KDM4C: variants seen among roughly 807,000 people sequenced by gnomAD.
KDM4C encodes lysine demethylase 4C.
KDM4C carries 81 observed loss-of-function variants against 129.3 expected under a neutral mutation model. The ratio of observed to expected loss-of-function variants is 0.63; its 90% CI spans 0.52 to 0.75. The LOEUF is 0.75. Ranked by LOEUF, KDM4C falls within the 30% of genes least tolerant of loss-of-function variation. The pLI is 0.00. For missense variants in KDM4C, 1,457 were observed against 1,304.0 expected (o/e 1.12, Z -1.81); for synonymous variants, 573 against 456.1 (o/e 1.26, Z -3.26).
chr9:6,858,441 T>C (rs180945878), intron 5 of KDM4C, among the ~76,000 whole-genome samples: 2 of 152,194 alleles, frequency 1.3e-5, no homozygotes, highest in African/African-American at 4.8e-5. Context: ...AACCAGAATG[T>C]TTACCCAACT....
intron 15 of KDM4C, among the ~76,000 whole-genome samples, chr9:7,043,221 CTT>C (rs1828881119): frequency 6.6e-6 from 1 of 151,926 alleles, no homozygotes; most frequent in South Asian, 2.1e-4. Flanking sequence ...TGTCTCTGTT[CTT>C]CTAATTTTTA....
intron 1 of KDM4C, among the ~76,000 whole-genome samples, chr9:6,783,133 A>G (rs1186535183): frequency 1.3e-5 from 2 of 152,054 alleles, no homozygotes; most frequent in Admixed American, 6.6e-5. Context: ...GGTAGCTCCC[A>G]CTGTTCTTGT....
intron 17 of KDM4C, among the ~76,000 whole-genome samples, chr9:7,086,760 A>G (rs1350651040): frequency 1.3e-5 from 2 of 152,188 alleles, no homozygotes; most frequent in Non-Finnish European, 2.9e-5. Flanking sequence ...ACACACACCC[A>G]TGTACCCTTT....
intron 4 of KDM4C, among the ~76,000 whole-genome samples, chr9:6,832,259 G>A (rs1834961874): frequency 6.7e-6 from 1 of 149,956 alleles, no homozygotes; most frequent in East Asian, 2.0e-4. Context: ...AGAATGGTGT[G>A]AACCCGGGAG....
intron 8 of KDM4C, among the ~76,000 whole-genome samples, chr9:6,960,107 A>C (rs7022642): frequency 0.66 from 99,884 of 151,292 alleles, 33,914 homozygotes; most frequent in East Asian, 1. Context: ...AGACCTTCCC[A>C]AAGTCACAAT....
chr9:6,839,239 T>C (rs1017108613), intron 4 of KDM4C, among the ~76,000 whole-genome samples: 3 of 152,074 alleles, frequency 2.0e-5, no homozygotes, highest in African/African-American at 7.2e-5. Context: ...TGTCTGTTGT[T>C]TTCCCTTTGA....
intron 5 of KDM4C, among the ~76,000 whole-genome samples, chr9:6,855,557 C>G (rs1839666215): frequency 6.7e-6 from 1 of 150,140 alleles, no homozygotes; most frequent in Non-Finnish European, 1.5e-5. Flanking sequence ...ATGGCTCAGT[C>G]TAGGAAATCA....
chr9:6,823,165 A>G (rs1384370768), intron 4 of KDM4C, among the ~76,000 whole-genome samples: 3 of 152,236 alleles, frequency 2.0e-5, no homozygotes, highest in Admixed American at 6.5e-5. Flanking sequence ...CGTCTTTGCA[A>G]GATTTTCCCT....
chr9:6,958,343 G>C (rs1476750166), intron 8 of KDM4C, among the ~76,000 whole-genome samples: 2 of 152,226 alleles, frequency 1.3e-5, no homozygotes, highest in Admixed American at 6.5e-5. Context: ...CCAGCACTTT[G>C]GGAGGCCAAG....
At chr9:7,029,841 T>C (rs779354131) in intron 15 of KDM4C, among the ~76,000 whole-genome samples, 19 of 152,202 alleles carry the variant, frequency 1.2e-4, no homozygotes, top group Non-Finnish European at 2.4e-4. Flanking sequence ...TTTATGACTT[T>C]GACCAATCAT....
chr9:7,011,030 G>C (rs1458563698), intron 12 of KDM4C, among the ~76,000 whole-genome samples: 1 of 151,888 alleles, frequency 6.6e-6, no homozygotes, highest in Admixed American at 6.6e-5. Context: ...GGCACGAAGA[G>C]CAAAACTCCA....
chr9:6,901,895 T>G (rs1817473056), intron 8 of KDM4C, among the ~76,000 whole-genome samples: 1 of 152,210 alleles, frequency 6.6e-6, no homozygotes, highest in African/African-American at 2.4e-5. Flanking sequence ...CTTCAGTCTA[T>G]GTTCTCAGCT....
At chr9:7,125,935 A>G (rs558951182) in intron 18 of KDM4C, among the ~76,000 whole-genome samples, 46 of 152,320 alleles carry the variant, frequency 3.0e-4, no homozygotes, top group African/African-American at 1.1e-3. Context: ...TTGGCATTAG[A>G]TGTTGGCTGC....
chr9:6,799,530 G>A (rs904063175), intron 2 of KDM4C, among the ~76,000 whole-genome samples: 1 of 151,838 alleles, frequency 6.6e-6, no homozygotes, highest in African/African-American at 2.4e-5. Context: ...GTCCAACTTC[G>A]GCTTGGCATG....
chr9:6,923,503 A>G (rs545113759), intron 8 of KDM4C, among the ~76,000 whole-genome samples: 2 of 152,298 alleles, frequency 1.3e-5, no homozygotes, highest in African/African-American at 4.8e-5. Flanking sequence ...TGAGTGAATG[A>G]CTGAATGATT....
intron 14 of KDM4C, 47 bp from the exon 15 acceptor site, chr9:7,015,806 A>G (rs778288212): frequency 1.6e-6 from 2 of 1,281,234 alleles, no homozygotes; most frequent in Non-Finnish European, 2.3e-6. Flanking sequence ...GCAATATTTT[A>G]AAGGTGAAAA....
chr9:7,012,640 T>C (rs1314869431), intron 13 of KDM4C, among the ~76,000 whole-genome samples: 4 of 152,130 alleles, frequency 2.6e-5, no homozygotes, highest in Non-Finnish European at 1.5e-5. Flanking sequence ...TGGCTGTGCG[T>C]GATGTTGTTT....
chr9:6,761,687 T>A (rs1037395268), intron 1 of KDM4C, among the ~76,000 whole-genome samples: 1 of 152,230 alleles, frequency 6.6e-6, no homozygotes, highest in Non-Finnish European at 1.5e-5. Flanking sequence ...TTCACTTATT[T>A]GCTCTATATT....
intron 8 of KDM4C, among the ~76,000 whole-genome samples, chr9:6,912,322 C>G (rs1819474801): frequency 6.6e-6 from 1 of 152,186 alleles, no homozygotes; most frequent in Non-Finnish European, 1.5e-5. Context: ...GACCCTTAAC[C>G]TCTCCCCTGT....
Sources: gnomAD v4.1 joint callset for allele counts (sites outside exome capture counted in the v4.1 genomes callset) on GRCh38, gnomAD v4.1.1 for gene constraint, MANE v1.5 for transcripts, NCBI Gene and HGNC (gene_info 2026-07-23, HGNC 2026-07-21) for gene names.